HTRA4: variants seen among roughly 807,000 people sequenced by gnomAD.
HTRA4 encodes serine protease HTRA4.
HTRA4 carries 46 observed loss-of-function variants against 49.1 expected under a neutral mutation model. The observed-to-expected ratio is 0.94, with a 90% CI of 0.74 to 1.20. The LOEUF (loss-of-function observed/expected upper bound fraction) is 1.20. Ranked by LOEUF, HTRA4 falls within the 50% of genes most tolerant of loss-of-function variation. The probability of loss-of-function intolerance (pLI) is 0.00; values close to 1 mark genes in which losing one functional copy is unlikely to be tolerated. For missense variants in HTRA4, 602 were observed against 636.9 expected, an observed-to-expected ratio of 0.95 and a Z score of 0.59; for synonymous variants, 261 against 264.0, an observed-to-expected ratio of 0.99 and a Z score of 0.11.
In HTRA4 at chr8:38,988,120, T is replaced by C. The variant is rs763692642; in HGVS notation, c.*22T>C. The C allele has an allele frequency of 1.3e-6, 2 of 1,489,792 alleles. No homozygotes were observed. The highest frequency in any genetic ancestry group is 1.8e-6 in the Non-Finnish European group (2 of 1,126,452). 92.3% of individuals were successfully genotyped at this position (1,489,792 alleles called of 1,614,324 possible). On this transcript the variant is annotated 3_prime_UTR_variant, in exon 9 of 9. Transcript: ENST00000302495. ...TTAAATATCTTGTTTTAAAGTGGGA[T>C]TATCTAAAAAAAAAAAAACCAGTTA...
chr8:38,977,691 A>C (rs1448424886), intron 3 of HTRA4, among the ~76,000 whole-genome samples: 1 of 152,204 alleles, frequency 6.6e-6, no homozygotes, highest in Non-Finnish European at 1.5e-5. Flanking sequence ...GTTTACTAAT[A>C]GTAATTTCTA....
Position 38,974,349 on chromosome 8 carries a change from C to T in HTRA4, c.86C>T (p.Ala29Val), listed in dbSNP as rs2129426674. Residue 29 changes from alanine (A) to valine (V), a missense_variant, in exon 1 of 9, where the codon GCC becomes GTC. Coordinates refer to ENST00000302495, the MANE Select transcript of HTRA4 (RefSeq NM_153692.4). The stretch of plus-strand genomic sequence containing the variant: ...CTGCTCCTGGTGCCCGTCCTCTGGG[C>T]CGGGGCTGAAAAGCTACATACCCAG... ...LLLLLVPVLW[A>V]GAEKLHTQPS... 6.2e-7 allele frequency: 1 copy of T among 1,610,578 alleles called. No homozygotes were observed. The highest frequency in any genetic ancestry group is 1.1e-5 in the South Asian group (1 of 90,456).
intron 4 of HTRA4, among the ~76,000 whole-genome samples, 174 bp from the exon 5 acceptor site, chr8:38,979,041 T>G (rs1835387942): frequency 6.6e-6 from 1 of 151,304 alleles, no homozygotes; most frequent in South Asian, 2.1e-4. Context: ...GCTATAGTTC[T>G]TTACCTACAC....
chr8:38,981,539 G>A (rs1476248802), intron 5 of HTRA4, 114 bp from the exon 6 acceptor site: 9 of 694,236 alleles, frequency 1.3e-5, no homozygotes, highest in South Asian at 8.7e-5. Flanking sequence ...AGTTCCTCTC[G>A]GCCCTGTTTT....
intron 8 of HTRA4, among the ~76,000 whole-genome samples, chr8:38,984,036 C>CTT (rs10634532): frequency 0.41 from 62,164 of 151,078 alleles, 13,315 homozygotes; most frequent in East Asian, 0.74. Context: ...GAGTCTCACT[C>CTT]GTTGCCCAGG....
Position 38,974,642 on chromosome 8 carries a change from T to C in HTRA4, c.379T>C (p.Cys127Arg). The change falls in exon 1 of 9, where the codon TGC becomes CGC. Residue 127 changes from cysteine (C) to arginine (R), a missense_variant. Cys to Arg is a radical substitution (Grantham distance 180, BLOSUM62 -3). Transcript: ENST00000302495. ...GSDRRTYPSM[C>R]ALRAENRAAR... ...CGACAGGCGCACCTACCCCAGCATG[T>C]GCGCGCTCCGGGCCGAAAACCGCGC... 1 of 1,410,634 alleles carries C rather than the reference T, an allele frequency of 7.1e-7. No individual in the cohort carries two copies. The highest frequency in any genetic ancestry group is 1.5e-5 in the South Asian group (1 of 64,614). The allele number at this position is 1,410,634 out of a possible 1,614,324, so 87.4% of individuals were successfully genotyped here. A position where few individuals can be genotyped will look rare whatever the true frequency, so the allele number is the denominator to read the frequency against.
At chr8:38,982,021 T>C (rs1835430310) in intron 6 of HTRA4, among the ~76,000 whole-genome samples, 1 of 152,050 alleles carries the variant, frequency 6.6e-6, no homozygotes, top group South Asian at 2.1e-4. Context: ...CTCATTTTCG[T>C]ATTTTCAGTA....
At chr8:38,987,533 G>A (rs1288407338) in intron 8 of HTRA4, among the ~76,000 whole-genome samples, 3 of 152,098 alleles carry the variant, frequency 2.0e-5, no homozygotes, top group African/African-American at 7.2e-5. Flanking sequence ...AAACTGAGCC[G>A]AGTTTAAGTG....
At position 38,974,719 on chromosome 8, in the gene HTRA4, CG is replaced by C; in HGVS notation, c.460del (p.Asp154IlefsTer53). The stretch of plus-strand genomic sequence containing the variant: ...CCGTGCCTGTGCAGTGGGGGAACTG[CG>C]GGGATACAGGTGAGCCGCGGGGGCG... ...PAVPVQWGNC[G>X]DTGTRSAGPL... On this transcript the variant is annotated frameshift_variant, in exon 1 of 9. Coordinates refer to ENST00000302495, the MANE Select transcript of HTRA4 (RefSeq NM_153692.4). LOFTEE classifies it high-confidence loss of function. The C allele has an allele frequency of 7.0e-7, 1 of 1,426,236 alleles. No individual in the cohort carries two copies. Among genetic ancestry groups the C allele is most frequent in the East Asian group, 2.6e-5 (1 of 37,800 alleles). The allele number at this position is 1,426,236 out of a possible 1,614,324, so 88.3% of individuals were successfully genotyped here. A position where few individuals can be genotyped will look rare whatever the true frequency, so the allele number is the denominator to read the frequency against.
chr8:38,976,640 G>A lies in HTRA4; in HGVS notation c.672G>A (p.Gln224=). 1 of 1,614,250 alleles carries A rather than the reference G, an allele frequency of 6.2e-7. No individual in the cohort carries two copies. The highest frequency in any genetic ancestry group is 8.5e-7 in the Non-Finnish European group (1 of 1,180,040). The part of the protein sequence containing the change: ...ITNAHVVRNQ[Q]WIEVVLQNGA... ...ATGCCCATGTTGTCAGGAACCAGCA[G>A]TGGATTGAGGTGGTGCTCCAGAATG... Residue 224 remains glutamine (Q), a synonymous_variant, in exon 3 of 9, where the codon CAG becomes CAA. Transcript: ENST00000302495.
At chr8:38,979,912 ACTAT>A (rs1200986858) in intron 5 of HTRA4, among the ~76,000 whole-genome samples, 1 of 152,184 alleles carries the variant, frequency 6.6e-6, no homozygotes, top group African/African-American at 2.4e-5. Flanking sequence ...CATATGAAGA[ACTAT>A]CTCTCATTTA....
chr8:38,979,027 C>T (rs1763815802), intron 4 of HTRA4, among the ~76,000 whole-genome samples, 188 bp from the exon 5 acceptor site: 1 of 151,404 alleles, frequency 6.6e-6, no homozygotes, highest in Non-Finnish European at 1.5e-5. Flanking sequence ...GTGGTGGTCC[C>T]ACTGCTATAG....
intron 7 of HTRA4, 76 bp downstream of exon 7, chr8:38,982,631 C>CT: frequency 7.1e-7 from 1 of 1,417,610 alleles, no homozygotes; most frequent in East Asian, 2.3e-5. Context: ...AACAGAAAAG[C>CT]TGAGCCACTT....
intron 4 of HTRA4, among the ~76,000 whole-genome samples, chr8:38,978,950 C>T (rs1334779016): frequency 3.4e-5 from 5 of 146,026 alleles, no homozygotes; most frequent in Non-Finnish European, 4.5e-5. Flanking sequence ...GTCGAGATTG[C>T]GCCATTGCAT....
rs1365770077 is a variant in HTRA4, at chr8:38,988,187, A to C, written c.*89A>C. ...TTGGAGATGTGCCAAACATGGCAAG[A>C]AGTTTTTGGATCTTTTTCTTACAAA... is the stretch of plus-strand genomic sequence containing the variant. On this transcript the variant is annotated 3_prime_UTR_variant, in exon 9 of 9. Transcript: ENST00000302495. The C allele has an allele frequency of 1.6e-6, 2 of 1,218,992 alleles. No homozygotes were observed. The highest frequency in any genetic ancestry group is 3.1e-5 in the African/African-American group (2 of 64,358). The allele number at this position is 1,218,992 out of a possible 1,614,324, so 75.5% of individuals were successfully genotyped here. A position where few individuals can be genotyped will look rare whatever the true frequency, so the allele number is the denominator to read the frequency against.
chr8:38,974,350 C>A lies in HTRA4; in HGVS notation c.87C>A (p.Ala29=), dbSNP rs1262322038. 16 of 1,610,288 alleles carry A rather than the reference C, an allele frequency of 9.9e-6. No individual in the cohort carries two copies. Among genetic ancestry groups the A allele is most frequent in the Non-Finnish European group, 1.3e-5 (15 of 1,178,974 alleles). The part of the protein sequence containing the change: ...LLLLLVPVLW[A]GAEKLHTQPS... Reference sequence around the variant, plus strand: ...TGCTCCTGGTGCCCGTCCTCTGGGCCGGGGCTGAAAAGCTACATACCCAGC... The same window carrying A: ...TGCTCCTGGTGCCCGTCCTCTGGGCAGGGGCTGAAAAGCTACATACCCAGC... The change falls in exon 1 of 9, where the codon GCC becomes GCA. Residue 29 remains alanine, a synonymous_variant. Transcript: ENST00000302495.
At chr8:38,980,366 T>C (rs977436123) in intron 5 of HTRA4, among the ~76,000 whole-genome samples, 1 of 152,080 alleles carries the variant, frequency 6.6e-6, no homozygotes, top group Non-Finnish European at 1.5e-5. Flanking sequence ...AGAGCAGGGA[T>C]GAAATGCAGA....
At chr8:38,981,348 G>T (rs1173593160) in intron 5 of HTRA4, among the ~76,000 whole-genome samples, 4 of 151,802 alleles carry the variant, frequency 2.6e-5, no homozygotes, top group Non-Finnish European at 4.4e-5. Context: ...CAAAGTGCTG[G>T]GATTACAGGC....
Position 38,985,234 on chromosome 8 carries a change from C to T in HTRA4, c.1268+2186C>T, listed in dbSNP as rs112687887. Among the ~76,000 whole-genome samples the T allele has an allele frequency of 7.6e-3, 1,104 of 146,080 alleles. 17 individuals carry two copies. Among genetic ancestry groups the T allele is most frequent in the African/African-American group, 0.026 (1,047 of 39,934 alleles). On this transcript the variant is annotated intron_variant, in intron 8 of 8. Coordinates refer to ENST00000302495, the MANE Select transcript of HTRA4 (RefSeq NM_153692.4). Reference sequence around the variant, plus strand: ...GGAGTGCAGTGATGCGATCTCGGCTCACTGCAACCTCTGCCTCCTGGGTTC... The same window carrying T: ...GGAGTGCAGTGATGCGATCTCGGCTTACTGCAACCTCTGCCTCCTGGGTTC...
Sources: gnomAD v4.1 joint callset for allele counts (sites outside exome capture counted in the v4.1 genomes callset) on GRCh38, gnomAD v4.1.1 for gene constraint, MANE v1.5 for transcripts, NCBI Gene and HGNC (gene_info 2026-07-23, HGNC 2026-07-21) for gene names.